The following SRGAP2B variants were observed in gnomAD, a reference collection of about 807,000 sequenced individuals.
The protein encoded by SRGAP2B is SLIT-ROBO Rho GTPase-activating protein 2B.
In SRGAP2B, 9 loss-of-function variants were observed where a neutral mutation model predicts 22.2. The observed-to-expected ratio is 0.41, with a 90% confidence interval of 0.24 to 0.71. The LOEUF is 0.71. SRGAP2B is among the 30% of genes least tolerant of loss of function. SRGAP2B has a pLI of 0.35. For missense variants in SRGAP2B, 114 were observed against 235.8 expected, an observed-to-expected ratio of 0.48 and a Z score of 3.38; for synonymous variants, 36 against 87.4, an observed-to-expected ratio of 0.41 and a Z score of 3.28.
At chr1:144,896,349 A>ACAATG (rs1662330091) in intron 8 of SRGAP2B, among the ~76,000 whole-genome samples, 1 of 119,972 alleles carries the variant, frequency 8.3e-6, no homozygotes, top group Non-Finnish European at 1.7e-5. Flanking sequence ...AAGATTCAGA[A>ACAATG]CAATGAAAAC....
At chr1:145,002,828 T>C (rs1671295674) in intron 2 of SRGAP2B, among the ~76,000 whole-genome samples, 1 of 139,896 alleles carries the variant, frequency 7.1e-6, no homozygotes, top group South Asian at 2.4e-4. Flanking sequence ...TATAAGGACA[T>C]GAAATTAAGA....
chr1:145,076,180 C>G lies in SRGAP2B; in HGVS notation c.67+16655G>C, dbSNP rs587748640. On this transcript the variant is annotated intron_variant, in intron 2 of 9. Transcript: ENST00000612199. ...CTTCTAATGTACAATCTTGCCATTACAAAAAACTACCTCCATCTTTTTTTT... is the reference window on the plus strand; with the variant it reads ...CTTCTAATGTACAATCTTGCCATTAGAAAAAACTACCTCCATCTTTTTTTT... Among the ~76,000 whole-genome samples, 10 of 149,516 alleles carry G rather than the reference C, an allele frequency of 6.7e-5. 1 individual carries two copies. The highest frequency in any genetic ancestry group is 4.6e-4 in the Admixed American group (7 of 15,104).
At chr1:145,011,607 CAG>C (rs1672059762) in intron 2 of SRGAP2B, among the ~76,000 whole-genome samples, 1 of 148,856 alleles carries the variant, frequency 6.7e-6, no homozygotes, top group African/African-American at 2.6e-5. Context: ...CACAAATCTT[CAG>C]AGTTATTATT....
chr1:144,958,185 G>A (rs1667412107), intron 3 of SRGAP2B, among the ~76,000 whole-genome samples: 2 of 151,562 alleles, frequency 1.3e-5, no homozygotes, highest in Admixed American at 6.6e-5. Context: ...GTAGACCGCA[G>A]ATCAAAAGAG....
intron 3 of SRGAP2B, among the ~76,000 whole-genome samples, chr1:144,987,790 C>T (rs1669857250): frequency 6.6e-6 from 1 of 150,850 alleles, no homozygotes; most frequent in Non-Finnish European, 1.5e-5. Context: ...GCTGTGCACA[C>T]ATTTTAACAC....
intron 2 of SRGAP2B, among the ~76,000 whole-genome samples, chr1:145,067,163 C>CT: frequency 6.8e-6 from 1 of 146,160 alleles, no homozygotes; most frequent in East Asian, 2.0e-4. Flanking sequence ...GTGACACACG[C>CT]TTGTAATCCC....
intron 2 of SRGAP2B, among the ~76,000 whole-genome samples, chr1:144,998,371 T>C (rs1326049152): frequency 2.7e-5 from 3 of 111,158 alleles, no homozygotes; most frequent in Non-Finnish European, 5.3e-5. Context: ...AGTGCTTTTC[T>C]TGTCCTGTGA....
intron 2 of SRGAP2B, among the ~76,000 whole-genome samples, chr1:145,057,043 G>A (rs1350285673): frequency 6.9e-6 from 1 of 144,004 alleles, no homozygotes; most frequent in African/African-American, 2.6e-5. Context: ...AGTCATTTGG[G>A]TCACCTTTTA....
At chr1:144,957,818 G>A (rs1474983437) in intron 3 of SRGAP2B, among the ~76,000 whole-genome samples, 1 of 147,366 alleles carries the variant, frequency 6.8e-6, no homozygotes, top group East Asian at 2.0e-4. Context: ...TTTTAATCAA[G>A]TGGTGTCTCT....
rs1242639377 is a variant in SRGAP2B at position 144,954,294 on chromosome 1, G to GA, written c.423+1144dup. 4.7e-5 allele frequency among the ~76,000 whole-genome samples: 7 copies of GA among 150,130 alleles called. No homozygotes were observed. The East Asian group carries it at 5.9e-4, about 13-fold the overall frequency. ...TTATTTGATCAGGCTGGTAATTACA[G>GA]AAAAAAAATGGGGTATTAATTCCAG... On this transcript the variant is annotated intron_variant, in intron 4 of 9. Transcript: ENST00000612199.
chr1:145,056,991 A>G (rs1370239571), intron 2 of SRGAP2B, among the ~76,000 whole-genome samples: 1 of 139,636 alleles, frequency 7.2e-6, no homozygotes, highest in Non-Finnish European at 1.6e-5. Flanking sequence ...ACACACACAC[A>G]CGCAAACTCC....
chr1:145,041,081 A>G (rs1649187715), intron 2 of SRGAP2B, among the ~76,000 whole-genome samples: 1 of 65,242 alleles, frequency 1.5e-5, no homozygotes, highest in Non-Finnish European at 2.8e-5. Flanking sequence ...TATAGTATAT[A>G]TATATATATA....
In SRGAP2B at chr1:145,007,147, CACA is replaced by C. The variant is rs1202166944; in HGVS notation, c.68-11950_68-11948del. Among the ~76,000 whole-genome samples the C allele has an allele frequency of 2.7e-4, 40 of 150,780 alleles. 2 individuals are homozygous for C. The highest frequency in any genetic ancestry group is 7.5e-4 in the African/African-American group (30 of 40,258). ...AAGGCAACCACGATTCCTCCCATTT[CACA>C]ACGAGGGACCACTGAGGTTCAGAGA... On this transcript the variant is annotated intron_variant, in intron 2 of 9. Coordinates refer to ENST00000612199, the Ensembl canonical transcript of SRGAP2B.
At chr1:145,020,045 A>C (rs1672680150) in intron 2 of SRGAP2B, among the ~76,000 whole-genome samples, 2 of 149,118 alleles carry the variant, frequency 1.3e-5, no homozygotes, top group African/African-American at 5.1e-5. Context: ...TTACACTCTT[A>C]CCTCCTTTAA....
At chr1:145,067,087 A>G (rs1211401760) in intron 2 of SRGAP2B, among the ~76,000 whole-genome samples, 1 of 149,024 alleles carries the variant, frequency 6.7e-6, no homozygotes, top group African/African-American at 2.5e-5. Context: ...CCGGGAGTTC[A>G]AGACCAGCCT....
intron 3 of SRGAP2B, among the ~76,000 whole-genome samples, chr1:144,966,789 G>C (rs1354505621): frequency 1.3e-5 from 2 of 148,882 alleles, no homozygotes; most frequent in Admixed American, 6.6e-5. Context: ...TAAAAGGATG[G>C]AGGAAGATCT....
At chr1:145,084,066 CTTTT>C (rs1285073770) in intron 2 of SRGAP2B, among the ~76,000 whole-genome samples, 1 of 130,762 alleles carries the variant, frequency 7.6e-6, no homozygotes, top group Non-Finnish European at 1.6e-5. Context: ...TTCTTTCTTT[CTTTT>C]CTTTTTTTTT....
At chr1:144,919,949 G>A (rs1664100487) in intron 4 of SRGAP2B, 1 of 149,950 alleles carries the variant, frequency 6.7e-6, no homozygotes, top group East Asian at 1.9e-4. Flanking sequence ...CTTCAAGAAT[G>A]AAGCTGTGGA....
intron 2 of SRGAP2B, among the ~76,000 whole-genome samples, chr1:144,998,868 C>T (rs1670903230): frequency 6.6e-6 from 1 of 150,938 alleles, no homozygotes; most frequent in Non-Finnish European, 1.5e-5. Context: ...AAGAAGGCAG[C>T]TATGCTGGCC....
Sources: gnomAD v4.1 joint callset for allele counts (sites outside exome capture counted in the v4.1 genomes callset) on GRCh38, gnomAD v4.1.1 for gene constraint, MANE v1.5 for transcripts, NCBI Gene and HGNC (gene_info 2026-07-23, HGNC 2026-07-21) for gene names.